The following CACNA2D3 variants were observed in gnomAD, a reference collection of about 807,000 sequenced individuals.
The protein encoded by CACNA2D3 is voltage-dependent calcium channel subunit alpha-2/delta-3.
Under a neutral mutation model 160.6 loss-of-function variants are expected in CACNA2D3, and 60 were observed. The ratio of observed to expected loss-of-function variants is 0.37; its 90% confidence interval spans 0.30 to 0.46. The LOEUF (loss-of-function observed/expected upper bound fraction) is 0.46, where lower values mean the gene tolerates loss of function less well. Among genes scored for constraint, CACNA2D3 ranks in the 20% least tolerant of loss-of-function variants. The probability of loss-of-function intolerance (pLI) is 1.00; values close to 1 mark genes in which losing one functional copy is unlikely to be tolerated. For missense variants in CACNA2D3, 1,205 were observed against 1,365.0 expected (o/e 0.88, Z 1.85); for synonymous variants, 558 against 492.9 (o/e 1.13, Z -1.75).
chr3:54,672,190 G>A (rs1222064869), intron 11 of CACNA2D3, among the ~76,000 whole-genome samples: 3 of 152,218 alleles, frequency 2.0e-5, no homozygotes, highest in Non-Finnish European at 4.4e-5. Flanking sequence ...AACTGGTTGA[G>A]CCGTAACAGG....
chr3:54,319,672 A>G (rs577130336), intron 2 of CACNA2D3, among the ~76,000 whole-genome samples: 1 of 152,064 alleles, frequency 6.6e-6, no homozygotes, highest in African/African-American at 2.4e-5. Context: ...AGTCCTGAGG[A>G]CTCCCTGAGA....
chr3:54,638,359 G>A (rs549791529), intron 10 of CACNA2D3: 6 of 152,088 alleles, frequency 3.9e-5, no homozygotes, highest in East Asian at 3.9e-4. Context: ...TTGACTATGC[G>A]TTTAGCTCCA....
At chr3:54,731,417 A>C (rs922218268) in intron 11 of CACNA2D3, among the ~76,000 whole-genome samples, 1 of 151,974 alleles carries the variant, frequency 6.6e-6, no homozygotes, top group Non-Finnish European at 1.5e-5. Context: ...TAAAGACTCT[A>C]TGTACCCCAA....
At chr3:54,820,145 G>T (rs944784473) in intron 14 of CACNA2D3, among the ~76,000 whole-genome samples, 3 of 152,104 alleles carry the variant, frequency 2.0e-5, no homozygotes, top group African/African-American at 7.2e-5. Context: ...GAGCGCATAC[G>T]TTGTACCATA....
chr3:54,356,028 A>G (rs1402631473), intron 3 of CACNA2D3, among the ~76,000 whole-genome samples: 4 of 142,450 alleles, frequency 2.8e-5, no homozygotes, highest in Non-Finnish European at 4.5e-5. Flanking sequence ...GACCAACCAC[A>G]TCCTGGATTG....
intron 35 of CACNA2D3, among the ~76,000 whole-genome samples, chr3:55,024,596 GC>G (rs1703525738): frequency 6.6e-6 from 1 of 152,088 alleles, no homozygotes; most frequent in Admixed American, 6.6e-5. Context: ...CAGAAAACAA[GC>G]CCTGACTAAA....
intron 11 of CACNA2D3, among the ~76,000 whole-genome samples, chr3:54,750,858 C>T (rs886806597): frequency 6.6e-6 from 1 of 151,988 alleles, no homozygotes; most frequent in African/African-American, 2.4e-5. Context: ...CAACCTCCGC[C>T]TCCCAGGTTC....
chr3:54,401,029 C>T (rs1575434708), intron 4 of CACNA2D3, among the ~76,000 whole-genome samples: 1 of 151,958 alleles, frequency 6.6e-6, no homozygotes, highest in Non-Finnish European at 1.5e-5. Flanking sequence ...ATGATAATCT[C>T]AACGGAGATA....
intron 9 of CACNA2D3, among the ~76,000 whole-genome samples, chr3:54,604,020 C>T (rs1424638312): frequency 6.6e-6 from 1 of 152,086 alleles, no homozygotes; most frequent in Admixed American, 6.5e-5. Flanking sequence ...ATATAGCTTA[C>T]TTCTAGGGTC....
intron 3 of CACNA2D3, among the ~76,000 whole-genome samples, chr3:54,342,992 C>T (rs1435674599): frequency 6.6e-6 from 1 of 152,228 alleles, no homozygotes; most frequent in African/African-American, 2.4e-5. Context: ...TCCTTCACAT[C>T]ACAGGCCAGT....
In CACNA2D3 at chr3:54,761,570, G is replaced by A. The variant is rs571005801; in HGVS notation, c.1247-2648G>A. On this transcript the variant is annotated intron_variant, in intron 12 of 37. Coordinates refer to ENST00000474759, the MANE Select transcript of CACNA2D3 (RefSeq NM_018398.3). ...TGCCTCTAAGAGGAACCATCTAGGA[G>A]CATTGCTAGAGCAGCATTCCAAATG... is the stretch of plus-strand genomic sequence containing the variant. Among the ~76,000 whole-genome samples the A allele has an allele frequency of 3.2e-4, 49 of 152,316 alleles. No individual in the cohort carries two copies. The South Asian group carries it at 6.2e-3, about 19-fold the overall frequency.
intron 11 of CACNA2D3, among the ~76,000 whole-genome samples, chr3:54,665,476 A>T (rs900910324): frequency 3.9e-5 from 6 of 152,234 alleles, no homozygotes; most frequent in Admixed American, 6.5e-5. Flanking sequence ...TGGAAATGAA[A>T]TACAAAGTTA....
At chr3:54,763,727 A>G (rs557688015) in intron 12 of CACNA2D3, among the ~76,000 whole-genome samples, 8 of 112,990 alleles carry the variant, frequency 7.1e-5, no homozygotes, top group African/African-American at 1.4e-4. Flanking sequence ...ACATATATAC[A>G]TATATATGTG....
chr3:55,008,494 T>C (rs976498350), intron 33 of CACNA2D3, among the ~76,000 whole-genome samples: 1 of 152,224 alleles, frequency 6.6e-6, no homozygotes, highest in African/African-American at 2.4e-5. Flanking sequence ...CTCTCATTCT[T>C]ATTTCCCCTG....
intron 2 of CACNA2D3, among the ~76,000 whole-genome samples, chr3:54,255,722 A>T (rs965441297): frequency 6.6e-6 from 1 of 151,960 alleles, no homozygotes; most frequent in Non-Finnish European, 1.5e-5. Flanking sequence ...TGTTCTCCCC[A>T]TATTCCCCGC....
intron 5 of CACNA2D3, among the ~76,000 whole-genome samples, chr3:54,541,671 C>T (rs543368086): frequency 2.0e-5 from 3 of 152,268 alleles, no homozygotes; most frequent in Admixed American, 6.5e-5. Flanking sequence ...CTCAAGTTAC[C>T]GTCACGTGGT....
chr3:54,673,611 A>G (rs1038710599), intron 11 of CACNA2D3, among the ~76,000 whole-genome samples: 4 of 152,210 alleles, frequency 2.6e-5, no homozygotes, highest in Non-Finnish European at 5.9e-5. Context: ...GTTATCAAAA[A>G]TGAAACTCCT....
chr3:54,624,445 A>AC (rs1437323585), intron 9 of CACNA2D3, among the ~76,000 whole-genome samples: 4 of 151,984 alleles, frequency 2.6e-5, no homozygotes, highest in Non-Finnish European at 5.9e-5. Context: ...ACACGGTGAA[A>AC]CCCCGTCTCT....
At chr3:54,997,820 T>C (rs1339832890) in intron 31 of CACNA2D3, among the ~76,000 whole-genome samples, 1 of 152,164 alleles carries the variant, frequency 6.6e-6, no homozygotes, top group Non-Finnish European at 1.5e-5. Context: ...CAAATGCCAA[T>C]GTGTATGCCT....
Sources: gnomAD v4.1 joint callset for allele counts (sites outside exome capture counted in the v4.1 genomes callset) on GRCh38, gnomAD v4.1.1 for gene constraint, MANE v1.5 for transcripts, NCBI Gene and HGNC (gene_info 2026-07-23, HGNC 2026-07-21) for gene names.